The following TLK1 variants were observed in gnomAD, a reference collection of about 807,000 sequenced individuals.
TLK1 encodes the protein tousled like kinase 1, also known as serine/threonine-protein kinase tousled-like 1.
Under a neutral mutation model 105.3 loss-of-function variants are expected in TLK1, and 24 were observed. That is an observed-to-expected ratio of 0.23 (90% CI 0.17 to 0.32). The LOEUF is 0.32. TLK1 is among the 10% of genes least tolerant of loss of function. The pLI, the probability that TLK1 is intolerant of heterozygous loss-of-function variation, is 1.00. For synonymous variants in TLK1, 321 were observed against 310.4 expected (o/e 1.03, Z -0.36); for missense variants, 558 against 910.5 (o/e 0.61, Z 4.98).
At chr2:171,179,360 TCAGA>T (rs1692887266) in intron 1 of TLK1, among the ~76,000 whole-genome samples, 1 of 152,186 alleles carries the variant, frequency 6.6e-6, no homozygotes, top group African/African-American at 2.4e-5. Flanking sequence ...GTTAAGAGAA[TCAGA>T]CAGACATGAA....
chr2:171,124,217 T>C (rs1690778074), intron 1 of TLK1, among the ~76,000 whole-genome samples: 2 of 152,214 alleles, frequency 1.3e-5, no homozygotes, highest in African/African-American at 4.8e-5. Flanking sequence ...GCTTGAGAAA[T>C]ATATAAAGCA....
chr2:171,011,873 T>A (rs925620846), intron 13 of TLK1, among the ~76,000 whole-genome samples: 2 of 152,158 alleles, frequency 1.3e-5, no homozygotes, highest in African/African-American at 2.4e-5. Flanking sequence ...CTGGCCTTCA[T>A]CATTAAATTT....
At chr2:171,176,926 G>A (rs528893496) in intron 1 of TLK1, among the ~76,000 whole-genome samples, 235 of 150,264 alleles carry the variant, frequency 1.6e-3, no homozygotes, top group African/African-American at 5.1e-3. Context: ...TCCACCTCCC[G>A]GGTTCAAGCA....
Position 171,117,762 on chromosome 2 carries a change from C to T in TLK1, c.235G>A (p.Gly79Ser). The T allele has an allele frequency of 6.2e-7, 1 of 1,613,644 alleles. No homozygotes were observed. Residue 79 changes from glycine (G) to serine (S), a missense_variant, in exon 2 of 21, where the codon GGC becomes AGC. Around this residue, in one of 5 missense-constraint regions of TLK1, gnomAD observed 104 missense variants for 116.0 expected, o/e 0.90. Transcript: ENST00000431350. ...ACTTTAGCTCCAACACTGCAACTGCCCGTACTTCCAGTGCTCCCACTTGCA... is the reference window on the plus strand; with the variant it reads ...ACTTTAGCTCCAACACTGCAACTGCTCGTACTTCCAGTGCTCCCACTTGCA... ...GVASGSTGST[G>S]SCSVGAKAST...
chr2:171,137,240 C>T (rs1242953016), intron 1 of TLK1, among the ~76,000 whole-genome samples: 1 of 151,922 alleles, frequency 6.6e-6, no homozygotes, highest in Non-Finnish European at 1.5e-5. Flanking sequence ...TGAGATCATG[C>T]CACTGTACTC....
intron 1 of TLK1, among the ~76,000 whole-genome samples, chr2:171,184,869 T>C (rs549731506): frequency 1.3e-4 from 19 of 151,982 alleles, no homozygotes; most frequent in Non-Finnish European, 1.8e-4. Flanking sequence ...GATGGAGTCT[T>C]GCTCTGTCAC....
At chr2:171,221,118 T>A (rs1356007145) in intron 1 of TLK1, among the ~76,000 whole-genome samples, 1 of 152,208 alleles carries the variant, frequency 6.6e-6, no homozygotes, top group African/African-American at 2.4e-5. Flanking sequence ...GCACACAGCA[T>A]TCCACATTTC....
chr2:171,098,444 C>T (rs1197970165), intron 2 of TLK1, among the ~76,000 whole-genome samples: 3 of 152,096 alleles, frequency 2.0e-5, no homozygotes, highest in Non-Finnish European at 2.9e-5. Context: ...ATAGTCCTTA[C>T]AAGTAAAGAA....
At chr2:171,161,286 C>G (rs896421268), upstream of TLK1, among the ~76,000 whole-genome samples, 3 of 151,908 alleles carry the variant, frequency 2.0e-5, no homozygotes, top group Non-Finnish European at 4.4e-5. Context: ...TGACCCACAC[C>G]CAACACGGGG....
chr2:171,046,121 T>C, intron 11 of TLK1, 53 bp downstream of exon 11: 2 of 1,419,098 alleles, frequency 1.4e-6, no homozygotes, highest in Non-Finnish European at 1.9e-6. Flanking sequence ...TTAGTAACAT[T>C]CACGCTCACT....
intron 2 of TLK1, among the ~76,000 whole-genome samples, chr2:171,094,313 T>C (rs1182533318): frequency 2.6e-5 from 4 of 151,948 alleles, no homozygotes; most frequent in Non-Finnish European, 4.4e-5. Context: ...ATTAAAATCA[T>C]GAGTTAAAAC....
At chr2:171,057,493 C>T (rs1326679231) in intron 5 of TLK1, among the ~76,000 whole-genome samples, 2 of 152,010 alleles carry the variant, frequency 1.3e-5, no homozygotes, top group Non-Finnish European at 2.9e-5. Flanking sequence ...CTGACCTCAA[C>T]CAAAGAGCAT....
chr2:171,036,380 C>T (rs1464540011), intron 11 of TLK1, among the ~76,000 whole-genome samples: 1 of 152,106 alleles, frequency 6.6e-6, no homozygotes, highest in African/African-American at 2.4e-5. Context: ...CAGAGCGAGA[C>T]TCTGTCTCCC....
chr2:171,016,195 G>C (rs113284018), intron 12 of TLK1, among the ~76,000 whole-genome samples: 4 of 152,214 alleles, frequency 2.6e-5, no homozygotes, highest in South Asian at 2.1e-4. Context: ...AGGCTGGAGC[G>C]CAGTGGCATG....
intron 2 of TLK1, among the ~76,000 whole-genome samples, chr2:171,111,365 A>G (rs1453226103): frequency 6.6e-6 from 1 of 152,096 alleles, no homozygotes; most frequent in Non-Finnish European, 1.5e-5. Flanking sequence ...TTGAGTCAAG[A>G]GTTTGAGACC....
rs575327260 is a variant in TLK1, at chr2:171,169,809, G to A, written c.-5-51952C>T. On this transcript the variant is annotated intron_variant, in intron 1 of 20. Transcript: ENST00000521943. Reference sequence around the variant, plus strand: ...ACAGGGGCTAGAAGAAAAACAAAACGTTTGGTGCCTTCTTTTCCGCAGATA... The same window carrying A: ...ACAGGGGCTAGAAGAAAAACAAAACATTTGGTGCCTTCTTTTCCGCAGATA... Among the ~76,000 whole-genome samples the A allele has an allele frequency of 9.3e-4, 141 of 152,264 alleles. 1 individual carries two copies. The highest frequency in any genetic ancestry group is 7.7e-3 in the South Asian group (37 of 4,828).
intron 12 of TLK1, among the ~76,000 whole-genome samples, chr2:171,015,702 T>TACAC (rs1007413316): frequency 0.034 from 199 of 5,830 alleles, no homozygotes; most frequent in African/African-American, 0.046. Flanking sequence ...CACACACATA[T>TACAC]ACACACACAC....
intron 1 of TLK1, among the ~76,000 whole-genome samples, chr2:171,177,838 G>A (rs1692858250): frequency 6.6e-6 from 1 of 152,122 alleles, no homozygotes; most frequent in South Asian, 2.1e-4. Context: ...TTGTTGCCCA[G>A]GCTGGAGTGA....
intron 2 of TLK1, among the ~76,000 whole-genome samples, chr2:171,087,772 C>T (rs1318362910): frequency 6.6e-6 from 1 of 152,142 alleles, no homozygotes; most frequent in Admixed American, 6.5e-5. Flanking sequence ...GTTGACTTGT[C>T]ATCATAAATG....
Sources: allele counts gnomAD v4.1 joint callset (sites outside exome capture counted in the v4.1 genomes callset), GRCh38; gene constraint gnomAD v4.1.1; regional missense constraint gnomAD v4.1.1; transcripts MANE v1.5; gene names NCBI Gene and HGNC (gene_info 2026-07-23, HGNC 2026-07-21).